Variants in CLCNKA observed in about 807,000 individuals in gnomAD.
CLCNKA encodes chloride channel protein ClC-Ka.
CLCNKA carries 66 observed loss-of-function variants against 83.3 expected under a neutral mutation model. The ratio of observed to expected loss-of-function variants is 0.79; its 90% CI spans 0.65 to 0.97. The LOEUF (loss-of-function observed/expected upper bound fraction) is 0.97. Ranked by LOEUF, CLCNKA falls within the 50% of genes least tolerant of loss-of-function variation. The probability of loss-of-function intolerance (pLI) is 0.00; values close to 1 mark genes in which losing one functional copy is unlikely to be tolerated. For missense variants in CLCNKA, 806 were observed against 888.7 expected, an observed-to-expected ratio of 0.91 and a Z score of 1.18; for synonymous variants, 357 against 370.4, an observed-to-expected ratio of 0.96 and a Z score of 0.42.
At chr1:16,022,966 A>G (rs896020243) in intron 2 of CLCNKA, among the ~76,000 whole-genome samples, 1 of 152,182 alleles carries the variant, frequency 6.6e-6, no homozygotes, top group Non-Finnish European at 1.5e-5. Flanking sequence ...CACTGTGCCT[A>G]TCTTCCACCC....
chr1:16,023,915 G>A lies in CLCNKA; in HGVS notation c.216G>A (p.Gly72=). 3 of 1,614,148 alleles carry A rather than the reference G, an allele frequency of 1.9e-6. No homozygotes were observed. Among genetic ancestry groups the A allele is most frequent in the Admixed American group, 1.7e-5 (1 of 60,022 alleles). The change falls in exon 3 of 20, where the codon GGG becomes GGA. Residue 72 remains glycine (G), a synonymous_variant. Coordinates refer to ENST00000331433, the MANE Select transcript of CLCNKA (RefSeq NM_004070.4). The stretch of plus-strand genomic sequence containing the variant: ...GCTATGCCATGAACTTTGCCATCGG[G>A]TGTGTGGTCCGAGGTAACTCTTCCC... ...LVSYAMNFAI[G]CVVRAHQWLY... is the part of the protein sequence containing the mutation.
rs369822948 is a variant in CLCNKA at position 16,027,357 on chromosome 1, G to T, written c.703G>T (p.Asp235Tyr). The T allele has an allele frequency of 2.5e-6, 4 of 1,613,588 alleles. No individual in the cohort carries two copies. In the African/African-American group the frequency reaches 5.3e-5, roughly 22 times the overall value. ...CATGTCTTCCCACTTCTCTGTCCGG[G>T]ATTACTGGAGGGGCTTCTTTGCGGC... ...EVMSSHFSVR[D>Y]YWRGFFAATC... is the part of the protein sequence containing the mutation. The change falls in exon 8 of 20, where the codon GAT (aspartate) becomes TAT (tyrosine). Residue 235 changes from aspartate (D) to tyrosine (Y), a missense_variant. By Grantham distance (160) the Asp-to-Tyr change is radical. Transcript: ENST00000331433.
At position 16,031,716 on chromosome 1, in the gene CLCNKA, C is replaced by T; in HGVS notation, c.1629C>T (p.His543=). The T allele has an allele frequency of 6.2e-7, 1 of 1,613,796 alleles. No individual in the cohort carries two copies. Among genetic ancestry groups the T allele is most frequent in the Non-Finnish European group, 8.5e-7 (1 of 1,180,036 alleles). ...PRILGRNIGS[H]HVRVEHFMNH... ...GGAGCCCCTCTGCCTGCAGCTCCCA[C>T]CATGTGAGGGTGGAGCACTTCATGA... Residue 543 remains histidine, a synonymous_variant, in exon 16 of 20, where the codon CAC becomes CAT. Transcript: ENST00000331433.
Position 16,026,686 on chromosome 1 carries a change from G to A in CLCNKA, c.577-11G>A, listed in dbSNP as rs367613620. On this transcript the variant is annotated splice_polypyrimidine_tract_variant and intron_variant, in intron 6 of 19. Coordinates refer to ENST00000331433, the MANE Select transcript of CLCNKA (RefSeq NM_004070.4). ...GGGGCTGACTCTGAGCCCTGGACTCGGATCCCCCAGAACAAGAGCAAGCAA... is the reference window on the plus strand; with the variant it reads ...GGGGCTGACTCTGAGCCCTGGACTCAGATCCCCCAGAACAAGAGCAAGCAA... 1.1e-4 allele frequency: 173 copies of A among 1,613,642 alleles called. No individual in the cohort carries two copies. In the African/African-American group the frequency reaches 2.2e-3, roughly 21 times the overall value.
rs750642708 is a variant in CLCNKA at position 16,023,933 on chromosome 1, C to T, written c.229+5C>T. On this transcript the variant is annotated splice_donor_5th_base_variant and intron_variant, in intron 3 of 19. Coordinates refer to ENST00000331433, the MANE Select transcript of CLCNKA (RefSeq NM_004070.4). ...CCATCGGGTGTGTGGTCCGAGGTAACTCTTCCCTGGCAGGTGCTGCTCTGG... is the reference window on the plus strand; with the variant it reads ...CCATCGGGTGTGTGGTCCGAGGTAATTCTTCCCTGGCAGGTGCTGCTCTGG... 1.9e-5 allele frequency: 30 copies of T among 1,613,860 alleles called. 2 individuals are homozygous for T. In the South Asian group the frequency reaches 3.2e-4, roughly 17 times the overall value.
At position 16,028,776 on chromosome 1, in the gene CLCNKA, C is replaced by T. The variant is rs529781416; in HGVS notation, c.984C>T (p.Ser328=). 234 of 1,614,174 alleles carry T rather than the reference C, an allele frequency of 1.4e-4. 1 individual carries two copies. In the South Asian group the frequency reaches 2.2e-3, roughly 15 times the overall value. The change falls in exon 11 of 20, where the codon TCC becomes TCT. Residue 328 remains serine, a synonymous_variant. Transcript: ENST00000331433. ...KLLATSKPVY[S]ALATLLLASI... ...CCCCCCACAGCAAGCCTGTGTACTC[C>T]GCTCTGGCCACCTTGCTTCTCGCCT...
chr1:16,022,796 T>C (rs1238435961), intron 2 of CLCNKA, 77 bp downstream of exon 2: 3 of 1,062,890 alleles, frequency 2.8e-6, no homozygotes, highest in East Asian at 2.7e-5. Flanking sequence ...ACCCCACCTC[T>C]CTGCCCAGGA....
At chr1:16,022,493 C>G in intron 1 of CLCNKA, 120 bp from the exon 2 acceptor site, 1 of 682,514 alleles carries the variant, frequency 1.5e-6, no homozygotes, top group South Asian at 2.1e-5. Context: ...TGTGATAACA[C>G]ACACACACAC....
chr1:16,032,310 CGTGGGGATGGGGCGGGG>C lies in CLCNKA; in HGVS notation c.1845+25_1845+41del. 1 of 417,914 alleles carries C rather than the reference CGTGGGGATGGGGCGGGG, an allele frequency of 2.4e-6. No homozygotes were observed. Among genetic ancestry groups the C allele is most frequent in the Non-Finnish European group, 4.9e-6 (1 of 205,336 alleles). The allele number at this position is 417,914 out of a possible 1,614,324, so 25.9% of individuals were successfully genotyped here. A position where few individuals can be genotyped will look rare whatever the true frequency, so the allele number is the denominator to read the frequency against. ...ACACCAGGTGGTTACTCCTGAGGGG[CGTGGGGATGGGGCGGGG>C]GTGGGTCAGCAGGGATGGGAGGGGA... On this transcript the variant is annotated intron_variant, in intron 17 of 19. Coordinates refer to ENST00000331433, the MANE Select transcript of CLCNKA (RefSeq NM_004070.4).
chr1:16,030,055 C>G lies in CLCNKA; in HGVS notation c.1388C>G (p.Pro463Arg). The G allele has an allele frequency of 6.2e-7, 1 of 1,608,030 alleles. No individual in the cohort carries two copies. Among genetic ancestry groups the G allele is most frequent in the Non-Finnish European group, 8.5e-7 (1 of 1,175,068 alleles). ...GGAGGGGTTACCAATCCCATCATGCCCGGGGGGTATGCTCTGGCAGGTGAG... is the reference window on the plus strand; with the variant it reads ...GGAGGGGTTACCAATCCCATCATGCGCGGGGGGTATGCTCTGGCAGGTGAG... ...VTGGVTNPIMPGGYALAGAAA... is the reference protein window; with the variant it reads ...VTGGVTNPIMRGGYALAGAAA... The change falls in exon 14 of 20, where the codon CCC (proline) becomes CGC (arginine). Residue 463 changes from proline (P) to arginine (R), a missense_variant. Physicochemically the swap from Pro to Arg is moderately radical, Grantham distance 103. Transcript: ENST00000331433.
At chr1:16,030,749 C>T (rs1251120581) in intron 15 of CLCNKA, 75 bp downstream of exon 15, 1 of 1,572,424 alleles carries the variant, frequency 6.4e-7, no homozygotes, top group Non-Finnish European at 8.7e-7. Context: ...AGGGCACCTC[C>T]AAAAAGAAAC....
At position 16,029,803 on chromosome 1, in the gene CLCNKA, G is replaced by A; in HGVS notation, c.1297+3G>A. On this transcript the variant is annotated splice_donor_region_variant and intron_variant, in intron 13 of 19. Transcript: ENST00000331433. ...CTTCATGCCCATCTTTATCCTTGGTGAGTCTGGGGTCCTGAGGTTCTGAGA... is the reference window on the plus strand; with the variant it reads ...CTTCATGCCCATCTTTATCCTTGGTAAGTCTGGGGTCCTGAGGTTCTGAGA... The A allele has an allele frequency of 6.2e-7, 1 of 1,614,150 alleles. No individual in the cohort carries two copies. The highest frequency in any genetic ancestry group is 8.5e-7 in the Non-Finnish European group (1 of 1,180,018).
intron 12 of CLCNKA, 54 bp downstream of exon 12, chr1:16,029,353 A>G: frequency 1.2e-6 from 2 of 1,612,162 alleles, no homozygotes; most frequent in Non-Finnish European, 1.7e-6. Context: ...TCTGGTGGGG[A>G]GGGGCGGGGG....
chr1:16,027,517 C>G, intron 8 of CLCNKA, 82 bp downstream of exon 8: 2 of 1,577,864 alleles, frequency 1.3e-6, no homozygotes, highest in Non-Finnish European at 1.7e-6. Context: ...GTGTACATCT[C>G]TTGCTCTTCC....
chr1:16,033,692 C>T lies in CLCNKA; in HGVS notation c.*34C>T. 6.2e-7 allele frequency: 1 copy of T among 1,609,308 alleles called. No individual in the cohort carries two copies. Among genetic ancestry groups the T allele is most frequent in the Non-Finnish European group, 8.5e-7 (1 of 1,177,256 alleles). On this transcript the variant is annotated 3_prime_UTR_variant, in exon 20 of 20. Coordinates refer to ENST00000331433, the MANE Select transcript of CLCNKA (RefSeq NM_004070.4). ...AGCAAGATGAAACAGGGCACCCCAG[C>T]TGACCTGGTACTGAGGTTGGGCTGA...
At chr1:16,029,577 G>A (rs1462537546) in intron 12 of CLCNKA, among the ~76,000 whole-genome samples, 154 bp from the exon 13 acceptor site, 1 of 152,232 alleles carries the variant, frequency 6.6e-6, no homozygotes, top group Non-Finnish European at 1.5e-5. Context: ...TTCTCAGGGT[G>A]AGGACCCTCC....
intron 11 of CLCNKA, 40 bp from the exon 12 acceptor site, chr1:16,029,086 G>C: frequency 6.3e-7 from 1 of 1,576,618 alleles, no homozygotes; most frequent in Non-Finnish European, 8.6e-7. Flanking sequence ...TGCCGCTGGG[G>C]GGGGCCCCTC....
rs769372786 is a variant in CLCNKA at position 16,028,111 on chromosome 1, G to A, written c.960G>A (p.Leu320=). 3 of 1,549,012 alleles carry A rather than the reference G, an allele frequency of 1.9e-6. No individual in the cohort carries two copies. The Admixed American group carries it at 5.1e-5, about 26-fold the overall frequency. Residue 320 remains leucine (L), a synonymous_variant, in exon 10 of 20, where the codon CTG becomes CTA. Transcript: ENST00000331433. The part of the protein sequence containing the change: ...IKTNRYSSKL[L]ATSKPVYSAL... The stretch of plus-strand genomic sequence containing the variant: ...CCAATCGGTACAGCTCCAAACTGCT[G>A]GCTACTAGGTAGGCTCTGGGCTAGG...
In CLCNKA at chr1:16,026,221, G is replaced by A. The variant is rs746291512; in HGVS notation, c.472G>A (p.Gly158Ser). ...GGGCCTCTCCTGCACCCTGGCCACC[G>A]GCAGCACCCTGTTCCTGGGCAAAGT... ...VVGLSCTLAT[G>S]STLFLGKVGP... The change falls in exon 5 of 20, where the codon GGC becomes AGC. Residue 158 changes from glycine (G) to serine (S), a missense_variant. Coordinates refer to ENST00000331433, the MANE Select transcript of CLCNKA (RefSeq NM_004070.4). 5.0e-6 allele frequency: 8 copies of A among 1,613,760 alleles called. No homozygotes were observed. The highest frequency in any genetic ancestry group is 4.0e-5 in the African/African-American group (3 of 74,890).
Sources: gnomAD v4.1 joint callset for allele counts (sites outside exome capture counted in the v4.1 genomes callset) on GRCh38, gnomAD v4.1.1 for gene constraint, MANE v1.5 for transcripts, NCBI Gene and HGNC (gene_info 2026-07-23, HGNC 2026-07-21) for gene names.